Variants in HSF5 observed in about 807,000 individuals in gnomAD.
The protein encoded by HSF5 is heat shock factor protein 5.
Under a neutral mutation model 50.8 loss-of-function variants are expected in HSF5, and 5 were observed. That is an observed-to-expected ratio of 0.10 (90% CI 0.05 to 0.21). HSF5 has a LOEUF of 0.21. HSF5 is among the 10% of genes least tolerant of loss of function. The pLI, the probability that HSF5 is intolerant of heterozygous loss-of-function variation, is 1.00. For missense variants in HSF5, 564 were observed against 762.6 expected (o/e 0.74, Z 3.07); for synonymous variants, 307 against 307.4 (o/e 1.00, Z 0.02).
intron 2 of HSF5, among the ~76,000 whole-genome samples, chr17:58,479,242 CAT>C (rs1160734497): frequency 6.6e-6 from 1 of 151,622 alleles, no homozygotes; most frequent in African/African-American, 2.4e-5. Flanking sequence ...ATATAATAAA[CAT>C]ATTAAAAAAA....
At chr17:58,477,545 C>T (rs12943764) in intron 2 of HSF5, among the ~76,000 whole-genome samples, 125,145 of 150,932 alleles carry the variant, frequency 0.83, 52,015 homozygotes, top group East Asian at 1. Flanking sequence ...CTGCAAGTTC[C>T]GCTTCCTGGG....
intron 1 of HSF5, 88 bp from the exon 2 acceptor site, chr17:58,480,355 C>T: frequency 1.6e-6 from 2 of 1,285,828 alleles, no homozygotes; most frequent in Non-Finnish European, 2.1e-6. Context: ...TGCTACTCTT[C>T]ACCTATCAGC....
chr17:58,459,326 G>A (rs1216180912), intron 4 of HSF5, among the ~76,000 whole-genome samples: 2 of 151,986 alleles, frequency 1.3e-5, no homozygotes, highest in Non-Finnish European at 2.9e-5. Context: ...GAGCAGCTAG[G>A]ACTACAGGTA....
At chr17:58,453,537 T>C (rs1056034046) in intron 5 of HSF5, among the ~76,000 whole-genome samples, 6 of 151,754 alleles carry the variant, frequency 4.0e-5, no homozygotes, top group Non-Finnish European at 4.4e-5. Context: ...GAGGTTGTGA[T>C]GAGCTTAAGA....
In HSF5 at chr17:58,488,314, C is replaced by G; in HGVS notation, c.-40G>C. 7 of 1,431,916 alleles carry G rather than the reference C, an allele frequency of 4.9e-6. No individual in the cohort carries two copies. The highest frequency in any genetic ancestry group is 6.3e-6 in the Non-Finnish European group (7 of 1,103,612). The allele number at this position is 1,431,916 out of a possible 1,614,324, so 88.7% of individuals were successfully genotyped here. The stretch of plus-strand genomic sequence containing the variant: ...GGGGCCTCGCCCCCCGAGCCTAGCT[C>G]TCCCACACCGTTCTCGATCCCTCCC... On this transcript the variant is annotated 5_prime_UTR_variant, in exon 1 of 6. Coordinates refer to ENST00000323777, the MANE Select transcript of HSF5 (RefSeq NM_001080439.3). The surrounding 1 kb of genome is among the most constrained non-coding windows in gnomAD (Gnocchi z 4.1).
At chr17:58,450,627 C>T (rs1361785165) in intron 5 of HSF5, among the ~76,000 whole-genome samples, 2 of 150,610 alleles carry the variant, frequency 1.3e-5, no homozygotes, top group Non-Finnish European at 3.0e-5. Flanking sequence ...GTGGTGCATG[C>T]CTGTAATCCC....
rs1004179580 is a variant in HSF5 at position 58,426,381 on chromosome 17, C to T, written c.1721-3951G>A. ...AAAAATACAAAAAGACATAGACTAG[C>T]TTGGTGTTGCTAGAGGTTTATACGC... On this transcript the variant is annotated intron_variant, in intron 5 of 5. Coordinates refer to ENST00000323777, the MANE Select transcript of HSF5 (RefSeq NM_001080439.3). 5.3e-5 allele frequency among the ~76,000 whole-genome samples: 8 copies of T among 152,290 alleles called. No individual in the cohort carries two copies. The East Asian group carries it at 1.2e-3, about 22-fold the overall frequency.
chr17:58,429,842 T>TA (rs60957147), intron 5 of HSF5, among the ~76,000 whole-genome samples: 29,955 of 133,436 alleles, frequency 0.22, 3,231 homozygotes, highest in Non-Finnish European at 0.23. Flanking sequence ...CAAGACTCTG[T>TA]AAAAAAAAAA....
intron 1 of HSF5, among the ~76,000 whole-genome samples, chr17:58,485,347 C>G (rs1228712148): frequency 1.3e-5 from 2 of 152,162 alleles, no homozygotes; most frequent in Non-Finnish European, 2.9e-5. Context: ...TGATTACACC[C>G]TGTTGGTTTC....
At chr17:58,424,801 A>G (rs1974273090) in intron 5 of HSF5, among the ~76,000 whole-genome samples, 1 of 152,158 alleles carries the variant, frequency 6.6e-6, no homozygotes, top group African/African-American at 2.4e-5. Flanking sequence ...AAACAAACAA[A>G]CAAACAAAAT....
intron 4 of HSF5, among the ~76,000 whole-genome samples, chr17:58,462,389 G>T (rs1160816893): frequency 1.3e-5 from 2 of 152,166 alleles, no homozygotes; most frequent in African/African-American, 4.8e-5. Context: ...GGCTAGGAAA[G>T]TCATCATAAT....
At chr17:58,461,939 T>A (rs965257335) in intron 4 of HSF5, among the ~76,000 whole-genome samples, 5 of 152,212 alleles carry the variant, frequency 3.3e-5, no homozygotes, top group Non-Finnish European at 7.3e-5. Context: ...ACAGTTTTAT[T>A]ACATGGATAT....
intron 5 of HSF5, among the ~76,000 whole-genome samples, chr17:58,446,187 G>A (rs529548548): frequency 4.7e-5 from 7 of 150,258 alleles, no homozygotes; most frequent in South Asian, 2.1e-4. Context: ...AGAGCAAGAC[G>A]GCAGTTTTGA....
At chr17:58,473,914 C>T (rs542781234) in intron 2 of HSF5, among the ~76,000 whole-genome samples, 6 of 151,918 alleles carry the variant, frequency 3.9e-5, no homozygotes, top group South Asian at 2.1e-4. Context: ...GGCACAATCA[C>T]GGATCACTGC....
At chr17:58,443,374 G>T (rs1289570023) in intron 5 of HSF5, among the ~76,000 whole-genome samples, 2 of 151,990 alleles carry the variant, frequency 1.3e-5, no homozygotes, top group African/African-American at 4.8e-5. Flanking sequence ...TCCCACCCCT[G>T]TCTTTCATTT....
intron 5 of HSF5, among the ~76,000 whole-genome samples, chr17:58,438,151 T>C (rs148293800): frequency 6.4e-4 from 97 of 152,246 alleles, no homozygotes; most frequent in African/African-American, 2.2e-3. Context: ...ACAGACCATA[T>C]AGATGATGAT....
At chr17:58,453,915 C>T (rs995316622) in intron 5 of HSF5, among the ~76,000 whole-genome samples, 34 of 151,916 alleles carry the variant, frequency 2.2e-4, no homozygotes, top group African/African-American at 7.5e-4. Context: ...ATGGAGAAAC[C>T]GCGTCTCTTC....
Position 58,450,753 on chromosome 17 carries a change from C to CAA in HSF5, c.1720+8013_1720+8014dup, listed in dbSNP as rs35586395. Among the ~76,000 whole-genome samples, 266 of 125,200 alleles carry CAA rather than the reference C, an allele frequency of 2.1e-3. 1 individual carries two copies. The highest frequency in any genetic ancestry group is 8.3e-3 in the Middle Eastern group (2 of 240). The allele number at this position is 125,200 out of a possible 152,430, so 82.1% of individuals were successfully genotyped here. ...GGGCAACAAGAGCGAAACTCCATCTCAAAAAAAAAAAAAAGGACTTTAATT... is the reference window on the plus strand; with the variant it reads ...GGGCAACAAGAGCGAAACTCCATCTCAAAAAAAAAAAAAAAAGGACTTTAATT... On this transcript the variant is annotated intron_variant, in intron 5 of 5. Transcript: ENST00000323777.
At chr17:58,476,955 C>T (rs1324621693) in intron 2 of HSF5, 3 of 671,044 alleles carry the variant, frequency 4.5e-6, no homozygotes. Context: ...GCCCATGTGG[C>T]ACGGTTGGGA....
Sources: gnomAD v4.1 joint callset for allele counts (sites outside exome capture counted in the v4.1 genomes callset) on GRCh38, gnomAD v4.1.1 for gene constraint, Gnocchi (gnomAD v3.1) non-coding constraint, MANE v1.5 for transcripts, NCBI Gene and HGNC (gene_info 2026-07-23, HGNC 2026-07-21) for gene names.